The following RORA variants were observed in gnomAD, a reference collection of about 807,000 sequenced individuals.
RORA encodes RAR related orphan receptor A, also known as nuclear receptor ROR-alpha.
Under a neutral mutation model 69.5 loss-of-function variants are expected in RORA, and 7 were observed. The observed-to-expected ratio is 0.10, with a 90% CI of 0.06 to 0.19. RORA has a LOEUF of 0.19. Among genes scored for constraint, RORA ranks in the 10% least tolerant of loss-of-function variants. RORA has a pLI of 1.00. For synonymous variants in RORA, 261 were observed against 240.8 expected, an observed-to-expected ratio of 1.08 and a Z score of -0.78; for missense variants, 457 against 663.0, an observed-to-expected ratio of 0.69 and a Z score of 3.41.
intron 2 of RORA, chr15:60,614,743 TA>T: frequency 1.5e-6 from 1 of 662,186 alleles, no homozygotes; most frequent in Non-Finnish European, 2.5e-6. Flanking sequence ...GCTTAATATC[TA>T]AAACTCAGTT....
intron 1 of RORA, among the ~76,000 whole-genome samples, chr15:60,995,500 C>T (rs2140374025): frequency 6.6e-6 from 1 of 152,324 alleles, no homozygotes; most frequent in South Asian, 2.1e-4. Flanking sequence ...TCCCCTTCCT[C>T]CCCCTGACCA....
intron 1 of RORA, among the ~76,000 whole-genome samples, chr15:60,949,994 A>G (rs1893033355): frequency 6.6e-6 from 1 of 152,110 alleles, no homozygotes; most frequent in African/African-American, 2.4e-5. Context: ...TGTCAGATTC[A>G]CCAAAGTTGA....
chr15:61,051,740 T>A (rs761859889), intron 1 of RORA, among the ~76,000 whole-genome samples: 1 of 152,172 alleles, frequency 6.6e-6, no homozygotes, highest in Non-Finnish European at 1.5e-5. Context: ...CACTTCTACA[T>A]GCAAAGGAAT....
In RORA at chr15:60,531,689, A is replaced by G; in HGVS notation, c.282+77T>C. ...ATTCTAAGGAGTTGAATTTTAAGACATAAGTGGAGACATACAAATCACAAA... is the reference window on the plus strand; with the variant it reads ...ATTCTAAGGAGTTGAATTTTAAGACGTAAGTGGAGACATACAAATCACAAA... On this transcript the variant is annotated intron_variant, in intron 3 of 10. Coordinates refer to ENST00000335670, the MANE Select transcript of RORA (RefSeq NM_134261.3). The surrounding 1 kb of genome is among the most constrained non-coding windows in gnomAD (Gnocchi z 4.8). 2 of 757,580 alleles carry G rather than the reference A, an allele frequency of 2.6e-6. No individual in the cohort carries two copies. The highest frequency in any genetic ancestry group is 2.2e-6 in the Non-Finnish European group (1 of 461,764). 46.9% of individuals were successfully genotyped at this position (757,580 alleles called of 1,614,324 possible).
chr15:60,519,121 A>G (rs776080619), intron 3 of RORA, among the ~76,000 whole-genome samples: 1 of 152,066 alleles, frequency 6.6e-6, no homozygotes, highest in Non-Finnish European at 1.5e-5. Flanking sequence ...CAGTATCTAA[A>G]AGGTTCGCAG....
intron 1 of RORA, among the ~76,000 whole-genome samples, chr15:61,122,914 A>C (rs1484636626): frequency 6.6e-6 from 1 of 152,236 alleles, no homozygotes; most frequent in Non-Finnish European, 1.5e-5. Context: ...TGCTGTACTG[A>C]GAAAATTGAG....
chr15:60,801,181 AG>A (rs1022308254), intron 1 of RORA, among the ~76,000 whole-genome samples: 4 of 152,298 alleles, frequency 2.6e-5, no homozygotes, highest in Admixed American at 2.6e-4. Context: ...CCTCACCACT[AG>A]GTAAAATTCG....
chr15:60,835,610 G>A (rs2073105118), intron 1 of RORA, among the ~76,000 whole-genome samples: 2 of 152,294 alleles, frequency 1.3e-5, no homozygotes, highest in South Asian at 4.1e-4. Flanking sequence ...CATGGCAATC[G>A]TGATTTCAGG....
At chr15:60,744,232 G>A (rs1351713956) in intron 1 of RORA, among the ~76,000 whole-genome samples, 1 of 152,152 alleles carries the variant, frequency 6.6e-6, no homozygotes, top group Non-Finnish European at 1.5e-5. Flanking sequence ...TTTTCTGAAA[G>A]ACTGTAATAA....
intron 1 of RORA, among the ~76,000 whole-genome samples, chr15:61,099,259 A>C (rs2078843325): frequency 6.6e-6 from 1 of 152,198 alleles, no homozygotes; most frequent in Non-Finnish European, 1.5e-5. Flanking sequence ...CTTGGATGAG[A>C]CCACACTCCA....
intron 2 of RORA, among the ~76,000 whole-genome samples, chr15:60,549,938 A>T (rs556025541): frequency 6.6e-6 from 1 of 152,368 alleles, no homozygotes; most frequent in Admixed American, 6.5e-5. Flanking sequence ...AGTGATATTA[A>T]AAAACTAAGT....
intron 1 of RORA, among the ~76,000 whole-genome samples, chr15:60,703,792 A>G (rs919028744): frequency 6.6e-6 from 1 of 151,990 alleles, no homozygotes; most frequent in African/African-American, 2.4e-5. Context: ...AGAGCAATAT[A>G]TTGCCAGATA....
chr15:60,834,370 A>G (rs1006679349), intron 1 of RORA, among the ~76,000 whole-genome samples: 14 of 152,226 alleles, frequency 9.2e-5, no homozygotes, highest in Admixed American at 8.5e-4. Flanking sequence ...TCCTGTGAAC[A>G]GCGGCACCAC....
chr15:60,893,938 A>G (rs1468904147), intron 1 of RORA, among the ~76,000 whole-genome samples: 1 of 152,200 alleles, frequency 6.6e-6, no homozygotes, highest in African/African-American at 2.4e-5. Context: ...AGACCTCTCA[A>G]GTCCCCCGTC....
chr15:60,651,798 A>C (rs1389916721), intron 2 of RORA, among the ~76,000 whole-genome samples: 1 of 152,138 alleles, frequency 6.6e-6, no homozygotes, highest in East Asian at 1.9e-4. Context: ...TAGCCACCTA[A>C]ATCTGAGAGA....
At chr15:61,086,621 C>T (rs1036848546) in intron 1 of RORA, among the ~76,000 whole-genome samples, 7 of 151,812 alleles carry the variant, frequency 4.6e-5, no homozygotes, top group Admixed American at 1.3e-4. Flanking sequence ...TTGATTTGGC[C>T]GCTTTAGAGA....
intron 1 of RORA, among the ~76,000 whole-genome samples, chr15:61,223,579 T>A (rs2080118670): frequency 6.6e-6 from 1 of 152,204 alleles, no homozygotes; most frequent in South Asian, 2.1e-4. Context: ...TAGTCCAATC[T>A]CTGACACTGT....
At chr15:61,155,650 A>G (rs2079435929) in intron 1 of RORA, among the ~76,000 whole-genome samples, 1 of 152,232 alleles carries the variant, frequency 6.6e-6, no homozygotes, top group Admixed American at 6.5e-5. Context: ...AAGCAAAATA[A>G]TACACTTGTC....
At chr15:60,686,342 A>G (rs2070748202) in intron 1 of RORA, among the ~76,000 whole-genome samples, 1 of 152,238 alleles carries the variant, frequency 6.6e-6, no homozygotes, top group South Asian at 2.1e-4. Context: ...ATGCACTACG[A>G]AAAGTCCATA....
Sources: allele counts gnomAD v4.1 joint callset (sites outside exome capture counted in the v4.1 genomes callset), GRCh38; gene constraint gnomAD v4.1.1; non-coding constraint Gnocchi (gnomAD v3.1); transcripts MANE v1.5; gene names NCBI Gene and HGNC (gene_info 2026-07-23, HGNC 2026-07-21).